ANKRD11: variants seen among roughly 807,000 people sequenced by gnomAD.
ANKRD11 encodes ankyrin repeat domain 11, also known as ankyrin repeat domain-containing protein 11.
Under a neutral mutation model 195.7 loss-of-function variants are expected in ANKRD11, and 17 were observed. That is an observed-to-expected ratio of 0.09 (90% CI 0.06 to 0.13). ANKRD11 has a LOEUF of 0.13. Ranked by LOEUF, ANKRD11 falls within the 10% of genes least tolerant of loss-of-function variation. The pLI, the probability that ANKRD11 is intolerant of heterozygous loss-of-function variation, is 1.00. For synonymous variants in ANKRD11, 1,953 were observed against 1,528.1 expected, an observed-to-expected ratio of 1.28 and a Z score of -6.49; for missense variants, 3,735 against 3,566.1, an observed-to-expected ratio of 1.05 and a Z score of -1.21.
At chr16:89,377,230 A>G (rs2040460121) in intron 2 of ANKRD11, among the ~76,000 whole-genome samples, 1 of 152,150 alleles carries the variant, frequency 6.6e-6, no homozygotes, top group East Asian at 1.9e-4. Flanking sequence ...TGTAAGGCTC[A>G]TTACACACAG....
chr16:89,481,123 C>T (rs1254550462), intron 1 of ANKRD11, among the ~76,000 whole-genome samples: 1 of 152,180 alleles, frequency 6.6e-6, no homozygotes, highest in East Asian at 1.9e-4. Flanking sequence ...AATGTTTGCC[C>T]CATTCCCTCC....
chr16:89,456,132 C>T (rs1190386705), intron 1 of ANKRD11, among the ~76,000 whole-genome samples: 1 of 151,348 alleles, frequency 6.6e-6, no homozygotes, highest in Non-Finnish European at 1.5e-5. Context: ...CCCAGCTACC[C>T]GGGAGGCTAA....
At chr16:89,306,890 G>A (rs1305845170) in intron 3 of ANKRD11, among the ~76,000 whole-genome samples, 1 of 148,936 alleles carries the variant, frequency 6.7e-6, no homozygotes, top group Non-Finnish European at 1.5e-5. Context: ...ACAGACACGC[G>A]CCACCTACCT....
rs146205997 is a variant in ANKRD11 at position 89,281,454 on chromosome 16, G to C, written c.5088C>G (p.Asp1696Glu). 795 of 1,614,020 alleles carry C rather than the reference G, an allele frequency of 4.9e-4. 6 individuals are homozygous for C. The highest frequency in any genetic ancestry group is 4.6e-3 in the Middle Eastern group (28 of 6,062). The change falls in exon 9 of 13, where the codon GAC becomes GAG. Residue 1696 changes from aspartate (D) to glutamate (E), a missense_variant. By Grantham distance (45) the Asp-to-Glu change is conservative (BLOSUM62 2). Transcript: ENST00000301030. This position sits in a 1 kb window ranked among gnomAD's most constrained non-coding sequence, Gnocchi z 5.5. ...TGGGCACGCCAGTGGGCCGGCTCTG[G>C]TCAGGCCTGGGGGACGCAGGCAGGA... ...KEVLPASPRP[D>E]QSRPTGVPTP...
In ANKRD11 at chr16:89,460,330, T is replaced by C. The variant is rs117744576; in HGVS notation, c.-145+29915A>G. On this transcript the variant is annotated intron_variant, in intron 1 of 12. Coordinates refer to ENST00000301030, the MANE Select transcript of ANKRD11 (RefSeq NM_013275.6). Reference sequence around the variant, plus strand: ...GGTCATAAAAATAATAAGTGTATCCTATAAATGTCCTGAGGTCAGGAGTTC... The same window carrying C: ...GGTCATAAAAATAATAAGTGTATCCCATAAATGTCCTGAGGTCAGGAGTTC... Among the ~76,000 whole-genome samples the C allele has an allele frequency of 7.4e-4, 112 of 152,020 alleles. No homozygotes were observed. In the East Asian group the frequency reaches 0.021, roughly 28 times the overall value.
At chr16:89,412,647 C>T (rs960330782) in intron 2 of ANKRD11, 3 of 152,078 alleles carry the variant, frequency 2.0e-5, no homozygotes, top group Non-Finnish European at 2.9e-5. Context: ...ATAGAACTTA[C>T]TGAGTACTCT....
intron 2 of ANKRD11, chr16:89,323,642 G>C (rs2037506672): frequency 3.1e-6 from 1 of 325,372 alleles, no homozygotes; most frequent in African/African-American, 2.3e-5. Context: ...GGCCCTCACA[G>C]GAACCAGGCC....
chr16:89,363,818 G>A (rs916536707), intron 2 of ANKRD11, among the ~76,000 whole-genome samples: 2 of 152,138 alleles, frequency 1.3e-5, no homozygotes, highest in East Asian at 1.9e-4. Context: ...ACTTCAGGAG[G>A]CTGCGGCAAG....
At chr16:89,421,224 C>T (rs374500168) in intron 1 of ANKRD11, among the ~76,000 whole-genome samples, 16 of 24,080 alleles carry the variant, frequency 6.6e-4, no homozygotes, top group African/African-American at 2.0e-3. Context: ...TGTGTGATGA[C>T]GGAGTCAGGG....
chr16:89,442,073 G>A (rs750543918), intron 1 of ANKRD11, among the ~76,000 whole-genome samples: 5 of 152,200 alleles, frequency 3.3e-5, no homozygotes, highest in Non-Finnish European at 7.4e-5. Flanking sequence ...TAATAAACAT[G>A]AATTCATCAG....
chr16:89,443,129 T>TC (rs2043603649), intron 1 of ANKRD11, among the ~76,000 whole-genome samples: 1 of 151,980 alleles, frequency 6.6e-6, no homozygotes, highest in Non-Finnish European at 1.5e-5. Flanking sequence ...GTAGCTCGGA[T>TC]TACAGGCATG....
chr16:89,372,244 G>A (rs780427120), intron 2 of ANKRD11, among the ~76,000 whole-genome samples: 7 of 152,214 alleles, frequency 4.6e-5, no homozygotes, highest in Non-Finnish European at 8.8e-5. Context: ...AGAGCCACAC[G>A]TCCTCCTGCA....
At chr16:89,485,187 C>A (rs1020999954) in intron 1 of ANKRD11, among the ~76,000 whole-genome samples, 2 of 152,132 alleles carry the variant, frequency 1.3e-5, no homozygotes, top group African/African-American at 4.8e-5. Flanking sequence ...CCAGCTTTAG[C>A]ACTGTGGGGT....
In ANKRD11 at chr16:89,440,547, T is replaced by A. The variant is rs541717845; in HGVS notation, c.-144-22179A>T. ...GGGAGAATTGCTTGAGACCAGGAGG[T>A]CAACACTACAGTGAGCTGTGAGTAC... On this transcript the variant is annotated intron_variant, in intron 1 of 12. Transcript: ENST00000301030. Among the ~76,000 whole-genome samples, 121 of 151,928 alleles carry A rather than the reference T, an allele frequency of 8.0e-4. 1 individual carries two copies. The highest frequency in any genetic ancestry group is 2.9e-3 in the African/African-American group (119 of 41,404).
intron 3 of ANKRD11, chr16:89,313,372 GCTCAGCGGTT>G (rs1348040734): frequency 1.6e-6 from 2 of 1,287,860 alleles, no homozygotes; most frequent in Admixed American, 2.3e-5. Context: ...TCCCGAGGCA[GCTCAGCGGTT>G]CTGGGATTCC....
chr16:89,456,652 A>G (rs1410516570), intron 1 of ANKRD11, among the ~76,000 whole-genome samples: 1 of 152,208 alleles, frequency 6.6e-6, no homozygotes, highest in Non-Finnish European at 1.5e-5. Context: ...AAACAGGAAT[A>G]CAGTTCCAAG....
intron 2 of ANKRD11, among the ~76,000 whole-genome samples, chr16:89,409,144 G>C (rs2042021126): frequency 6.6e-6 from 1 of 152,216 alleles, no homozygotes; most frequent in Non-Finnish European, 1.5e-5. Context: ...TCAAAGAGCA[G>C]AAAACAGATT....
chr16:89,408,810 G>A (rs1284619548), intron 2 of ANKRD11, among the ~76,000 whole-genome samples: 1 of 152,136 alleles, frequency 6.6e-6, no homozygotes, highest in African/African-American at 2.4e-5. Flanking sequence ...CATTCCTCTT[G>A]TAATAAAAAT....
chr16:89,384,753 G>T (rs1462693596), intron 2 of ANKRD11, among the ~76,000 whole-genome samples: 2 of 151,960 alleles, frequency 1.3e-5, no homozygotes, highest in African/African-American at 4.8e-5. Flanking sequence ...TGTATTTTTG[G>T]CAACCTGTAT....
Sources: gnomAD v4.1 joint callset for allele counts (sites outside exome capture counted in the v4.1 genomes callset) on GRCh38, gnomAD v4.1.1 for gene constraint, Gnocchi (gnomAD v3.1) non-coding constraint, MANE v1.5 for transcripts, NCBI Gene and HGNC (gene_info 2026-07-23, HGNC 2026-07-21) for gene names.